Variants in EFHB observed in about 807,000 individuals in gnomAD.
EFHB encodes EF-hand domain-containing family member B.
Under a neutral mutation model 87.2 loss-of-function variants are expected in EFHB, and 91 were observed. The observed-to-expected ratio is 1.04, with a 90% confidence interval of 0.88 to 1.24. EFHB has a LOEUF of 1.24. Ranked by LOEUF, EFHB falls within the 50% of genes most tolerant of loss-of-function variation. The pLI, the probability that EFHB is intolerant of heterozygous loss-of-function variation, is 0.00. For missense variants in EFHB, 1,084 were observed against 998.8 expected (o/e 1.09, Z -1.15); for synonymous variants, 325 against 333.6 (o/e 0.97, Z 0.28).
chr3:19,909,624 C>A (rs1252581258), intron 5 of EFHB, among the ~76,000 whole-genome samples: 1 of 152,148 alleles, frequency 6.6e-6, no homozygotes, highest in African/African-American at 2.4e-5. Flanking sequence ...GCTGGCATCA[C>A]CCCTCCCTTA....
chr3:19,902,508 C>G (rs1694707116), intron 6 of EFHB, among the ~76,000 whole-genome samples: 1 of 152,014 alleles, frequency 6.6e-6, no homozygotes, highest in South Asian at 2.1e-4. Context: ...GTGCGTGCCA[C>G]CACACTCAGC....
At chr3:19,917,108 C>T (rs1695258735) in intron 4 of EFHB, among the ~76,000 whole-genome samples, 1 of 151,948 alleles carries the variant, frequency 6.6e-6, no homozygotes, top group African/African-American at 2.4e-5. Context: ...TAGTCACTCA[C>T]ACCTGTAATC....
intron 9 of EFHB, among the ~76,000 whole-genome samples, chr3:19,891,109 C>T (rs1222856924): frequency 6.6e-6 from 1 of 152,120 alleles, no homozygotes; most frequent in Non-Finnish European, 1.5e-5. Context: ...ATCAGTTGTG[C>T]AGGCTGGAAT....
chr3:19,884,554 G>A lies in EFHB; in HGVS notation c.1995C>T (p.Leu665=). ...EANVEEPEQT[L]LIKPEDIVLK... The stretch of plus-strand genomic sequence containing the variant: ...AGACAATATCTTCTGGCTTTATGAG[G>A]AGAGTTTGTTCAGGTTCTTCAACAT... The change falls in exon 11 of 13, where the codon CTC becomes CTT. Residue 665 remains leucine (L), a synonymous_variant. Transcript: ENST00000295824. 6.2e-6 allele frequency: 10 copies of A among 1,613,924 alleles called. No homozygotes were observed. The highest frequency in any genetic ancestry group is 8.5e-6 in the Non-Finnish European group (10 of 1,179,884).
chr3:19,905,412 A>G (rs1475377639), intron 6 of EFHB, among the ~76,000 whole-genome samples: 1 of 152,152 alleles, frequency 6.6e-6, no homozygotes, highest in Non-Finnish European at 1.5e-5. Context: ...GATAGAAAAA[A>G]AAAAGTATCA....
Position 19,919,977 on chromosome 3 carries a change from C to T in EFHB, c.853-1G>A. On this transcript the variant is annotated splice_acceptor_variant, in intron 2 of 12. Transcript: ENST00000295824. LOFTEE classifies it high-confidence loss of function. ...TTTTTGCTTCAGGTGGAGTAATTAG[C>T]TACAAAGAGTGAGGCAAGAAAATAG... 1 of 1,613,426 alleles carries T rather than the reference C, an allele frequency of 6.2e-7. No individual in the cohort carries two copies. The highest frequency in any genetic ancestry group is 1.7e-4 in the Middle Eastern group (1 of 6,052).
At chr3:19,905,796 C>T (rs770058952) in intron 5 of EFHB, 47 bp from the exon 6 acceptor site, 2 of 1,552,858 alleles carry the variant, frequency 1.3e-6, no homozygotes, top group South Asian at 2.4e-5. Flanking sequence ...ACACGAATAA[C>T]CTTATCATGC....
chr3:19,933,770 G>A lies in EFHB; in HGVS notation c.249C>T (p.Val83=). 6.2e-7 allele frequency: 1 copy of A among 1,613,966 alleles called. No individual in the cohort carries two copies. Among genetic ancestry groups the A allele is most frequent in the Non-Finnish European group, 8.5e-7 (1 of 1,179,878 alleles). ...GLERQNISRT[V]MQRGSLGVDS... Reference sequence around the variant, plus strand: ...CGACTCCTAAACTACCCCTCTGCATGACAGTCCTAGAAATATTCTGTCTTT... The same window carrying A: ...CGACTCCTAAACTACCCCTCTGCATAACAGTCCTAGAAATATTCTGTCTTT... Residue 83 remains valine, a synonymous_variant, in exon 1 of 13, where the codon GTC becomes GTT. Transcript: ENST00000295824.
chr3:19,939,400 T>TTTTTTTTTTTTTG (rs1559479910), intron 1 of EFHB, among the ~76,000 whole-genome samples: 1 of 111,374 alleles, frequency 9.0e-6, no homozygotes, highest in African/African-American at 3.4e-5. Flanking sequence ...TTTTTTTTTT[T>TTTTTTTTTTTTTG]GGGATGGAGT....
intron 5 of EFHB, among the ~76,000 whole-genome samples, 175 bp downstream of exon 5, chr3:19,915,128 G>C (rs1228647186): frequency 1.3e-5 from 2 of 152,008 alleles, no homozygotes; most frequent in Non-Finnish European, 2.9e-5. Flanking sequence ...AAAACCGTAA[G>C]TATATGCAGT....
chr3:19,908,598 GAGAAAGAAAGAAAGAAAGAAAGAA>G (rs767343345), intron 5 of EFHB, among the ~76,000 whole-genome samples: 10 of 77,794 alleles, frequency 1.3e-4, no homozygotes, highest in African/African-American at 4.0e-4. Flanking sequence ...GAGAGAGAGA[GAGAAAGAAAGAAAGAAAGAAAGAA>G]AGAAAGAAAG....
chr3:19,896,484 T>C, intron 9 of EFHB: 1 of 710,144 alleles, frequency 1.4e-6, no homozygotes, highest in Non-Finnish European at 2.5e-6. Flanking sequence ...ACTACCTAAC[T>C]CTGTATTCAT....
chr3:19,936,014 A>AC (rs887193908), upstream of EFHB: 102 of 1,057,746 alleles, frequency 9.6e-5, no homozygotes, highest in African/African-American at 1.4e-3. Context: ...ATCTCAAAAA[A>AC]AAAAAAAAAA....
intron 1 of EFHB, chr3:19,946,167 A>T (rs1389378516): frequency 1.3e-5 from 2 of 152,036 alleles, no homozygotes; most frequent in Non-Finnish European, 2.9e-5. Context: ...TCTGGAGCCA[A>T]CCCGCCGCAG....
At chr3:19,889,934 C>T (rs1694247510) in intron 9 of EFHB, among the ~76,000 whole-genome samples, 1 of 152,136 alleles carries the variant, frequency 6.6e-6, no homozygotes, top group Non-Finnish European at 1.5e-5. Flanking sequence ...TTGCAGTGAG[C>T]CGAGACTGCG....
At chr3:19,936,336 T>TAAAA, upstream of EFHB, 10 of 358,610 alleles carry the variant, frequency 2.8e-5, no homozygotes, top group South Asian at 9.1e-5. Flanking sequence ...GGCGACAGAC[T>TAAAA]GAAAAAAAAA....
intron 5 of EFHB, among the ~76,000 whole-genome samples, chr3:19,907,899 G>A (rs1184807475): frequency 6.6e-6 from 1 of 152,146 alleles, no homozygotes; most frequent in African/African-American, 2.4e-5. Flanking sequence ...AAAGAAGATT[G>A]GCTGAGCTCA....
At chr3:19,943,753 A>G (rs998909870) in intron 1 of EFHB, among the ~76,000 whole-genome samples, 25 of 152,308 alleles carry the variant, frequency 1.6e-4, no homozygotes, top group African/African-American at 5.8e-4. Flanking sequence ...GGAATAAGGG[A>G]GTGTCCAAGA....
intron 1 of EFHB, chr3:19,941,436 T>C (rs749350334): frequency 6.2e-6 from 1 of 160,584 alleles, no homozygotes; most frequent in Admixed American, 6.4e-5. Context: ...TGTATGCTTG[T>C]ACTTGAACTC....
Sources: allele counts gnomAD v4.1 joint callset (sites outside exome capture counted in the v4.1 genomes callset), GRCh38; gene constraint gnomAD v4.1.1; transcripts MANE v1.5; gene names NCBI Gene and HGNC (gene_info 2026-07-23, HGNC 2026-07-21).